The following GPM6B variants were observed in gnomAD, a reference collection of about 807,000 sequenced individuals.
GPM6B encodes glycoprotein M6B.
GPM6B carries 4 observed loss-of-function variants against 27.2 expected under a neutral mutation model. The ratio of observed to expected loss-of-function variants is 0.15; its 90% confidence interval spans 0.07 to 0.34. The LOEUF (loss-of-function observed/expected upper bound fraction) is 0.34. Ranked by LOEUF, GPM6B falls within the 10% of genes least tolerant of loss-of-function variation. The pLI is 1.00. For missense variants in GPM6B, 183 were observed against 261.9 expected (o/e 0.70, Z 2.08); for synonymous variants, 124 against 103.1 (o/e 1.20, Z -1.23).
At chrX:13,932,926 C>T (rs12846429) in intron 1 of GPM6B, among the ~76,000 whole-genome samples, 6,770 of 111,793 alleles carry the variant, frequency 0.061, 216 homozygotes, top group Middle Eastern at 0.13. Flanking sequence ...TCAATTGTTT[C>T]TGTGTCTGTA....
At chrX:13,797,250 G>T (rs2048833859) in intron 2 of GPM6B, among the ~76,000 whole-genome samples, 1 of 111,182 alleles carries the variant, frequency 9.0e-6, no homozygotes, top group African/African-American at 3.3e-5. Flanking sequence ...GTGGGGTGAG[G>T]GGGGCGGTAA....
intron 1 of GPM6B, among the ~76,000 whole-genome samples, chrX:13,866,220 G>A (rs751554836): frequency 3.1e-4 from 35 of 111,901 alleles, no homozygotes; most frequent in Non-Finnish European, 5.1e-4. Flanking sequence ...AAAATTAGCC[G>A]GGCGTGGTGG....
chrX:13,934,397 G>A (rs1333270624), intron 1 of GPM6B, among the ~76,000 whole-genome samples: 1 of 112,011 alleles, frequency 8.9e-6, no homozygotes, highest in Non-Finnish European at 1.9e-5. Flanking sequence ...AGCATTGCAT[G>A]TATGGGTCTT....
intron 1 of GPM6B, among the ~76,000 whole-genome samples, chrX:13,871,573 C>G (rs12849213): frequency 0.037 from 4,143 of 112,072 alleles, 93 homozygotes; most frequent in Middle Eastern, 0.092. Context: ...ACAATGGGGA[C>G]GCTCAGGTCT....
intron 1 of GPM6B, among the ~76,000 whole-genome samples, chrX:13,896,209 G>A (rs2050231457): frequency 9.7e-6 from 1 of 103,568 alleles, no homozygotes; most frequent in Admixed American, 1.0e-4. Context: ...TCTTAAGTAT[G>A]GTGCTTATGA....
At chrX:13,912,906 C>T (rs2050390809) in intron 1 of GPM6B, among the ~76,000 whole-genome samples, 1 of 112,033 alleles carries the variant, frequency 8.9e-6, no homozygotes, top group Admixed American at 9.5e-5. Flanking sequence ...GTATCTTGGC[C>T]TGAAGAAAAC....
At chrX:13,807,853 A>G in intron 1 of GPM6B, 84 bp from the exon 2 acceptor site, 1 of 939,527 alleles carries the variant, frequency 1.1e-6, no homozygotes, top group East Asian at 3.1e-5. Context: ...TCTTTACCAT[A>G]GAAAGGAAAT....
chrX:13,785,904 C>T, intron 2 of GPM6B, 96 bp from the exon 3 acceptor site: 1 of 668,334 alleles, frequency 1.5e-6, no homozygotes, highest in Non-Finnish European at 2.2e-6. Context: ...TACAATTTTC[C>T]ATCTCCCCTC....
At chrX:13,825,387 G>A in intron 1 of GPM6B, among the ~76,000 whole-genome samples, 1 of 112,259 alleles carries the variant, frequency 8.9e-6, no homozygotes, top group African/African-American at 3.2e-5. Context: ...GGGATGCCAA[G>A]GCAGAAGGTA....
chrX:13,886,694 A>G (rs1435852483), intron 1 of GPM6B, among the ~76,000 whole-genome samples: 2 of 83,574 alleles, frequency 2.4e-5, no homozygotes, highest in African/African-American at 9.7e-5. Flanking sequence ...CCTAAGTGCC[A>G]CCTCTCTCTA....
At chrX:13,837,958 A>T in intron 1 of GPM6B, among the ~76,000 whole-genome samples, 1 of 110,328 alleles carries the variant, frequency 9.1e-6, no homozygotes, top group Non-Finnish European at 1.9e-5. Flanking sequence ...ACAAACCCTA[A>T]ACTCCTTCTC....
At chrX:13,876,843 C>T (rs2050038674) in intron 1 of GPM6B, among the ~76,000 whole-genome samples, 1 of 110,663 alleles carries the variant, frequency 9.0e-6, no homozygotes, top group Non-Finnish European at 1.9e-5. Flanking sequence ...TCTGAGGTGA[C>T]ATCATGCACA....
At position 13,777,358 on chromosome X, in the gene GPM6B, T is replaced by G; in HGVS notation, c.765A>C (p.Thr255=). 8.4e-7 allele frequency: 1 copy of G among 1,195,761 alleles called. No individual in the cohort carries two copies. Among genetic ancestry groups the G allele is most frequent in the Non-Finnish European group, 1.1e-6 (1 of 880,705 alleles). ...CGSALENICN[T]NEFYMSYHLF... ...TGAACTGTGATGAGTTTACCTCGTTTGTGTTGCAGATGTTCTCCAGGGCAG... is the reference window on the plus strand; with the variant it reads ...TGAACTGTGATGAGTTTACCTCGTTGGTGTTGCAGATGTTCTCCAGGGCAG... The change falls in exon 6 of 8, where the codon ACA becomes ACC. Residue 255 remains threonine (T), a synonymous_variant. Coordinates refer to ENST00000316715, the MANE Select transcript of GPM6B (RefSeq NM_001001995.3).
chrX:13,854,852 GAGA>G (rs946393619), intron 1 of GPM6B, among the ~76,000 whole-genome samples: 7 of 111,693 alleles, frequency 6.3e-5, no homozygotes, highest in Admixed American at 2.9e-4. Context: ...AGAGGTTTGT[GAGA>G]AGTTCTTCTC....
chrX:13,832,341 A>G (rs1299749216), intron 1 of GPM6B, among the ~76,000 whole-genome samples: 1 of 112,387 alleles, frequency 8.9e-6, no homozygotes, highest in East Asian at 2.8e-4. Context: ...ACTATCCAAC[A>G]CGCAGTTAGA....
At chrX:13,848,307 T>G (rs997921516) in intron 1 of GPM6B, among the ~76,000 whole-genome samples, 2 of 111,764 alleles carry the variant, frequency 1.8e-5, no homozygotes, top group African/African-American at 6.5e-5. Flanking sequence ...CTCTGCTCAG[T>G]CCTGCTTCTT....
intron 5 of GPM6B, among the ~76,000 whole-genome samples, chrX:13,778,350 A>T (rs5934127): frequency 0.19 from 21,627 of 111,590 alleles, 1,622 homozygotes; most frequent in South Asian, 0.35. Context: ...GCGTGGCCGG[A>T]AATTTTTTAA....
chrX:13,885,804 C>T (rs958133155), intron 1 of GPM6B, among the ~76,000 whole-genome samples: 4 of 111,536 alleles, frequency 3.6e-5, no homozygotes, highest in Admixed American at 1.9e-4. Flanking sequence ...AGTCAGTGAC[C>T]GCAAGAATGA....
intron 1 of GPM6B, among the ~76,000 whole-genome samples, chrX:13,859,233 G>A: frequency 8.9e-6 from 1 of 111,980 alleles, no homozygotes; most frequent in South Asian, 3.7e-4. Flanking sequence ...GTACCTTTCT[G>A]CAGCTGATCT....
Sources: gnomAD v4.1 joint callset for allele counts (sites outside exome capture counted in the v4.1 genomes callset) on GRCh38, gnomAD v4.1.1 for gene constraint, MANE v1.5 for transcripts, NCBI Gene and HGNC (gene_info 2026-07-23, HGNC 2026-07-21) for gene names.